NOS1AP: variants seen among roughly 807,000 people sequenced by gnomAD.
NOS1AP encodes carboxyl-terminal PDZ ligand of neuronal nitric oxide synthase protein.
A neutral mutation model predicts 56.2 loss-of-function variants in NOS1AP; 21 were observed. The observed-to-expected ratio is 0.37, with a 90% CI of 0.26 to 0.54. The LOEUF is 0.54. Among genes scored for constraint, NOS1AP ranks in the 20% least tolerant of loss-of-function variants. The pLI is 0.84. For missense variants in NOS1AP, 522 were observed against 657.8 expected, an observed-to-expected ratio of 0.79 and a Z score of 2.26; for synonymous variants, 270 against 274.6, an observed-to-expected ratio of 0.98 and a Z score of 0.17.
At chr1:162,167,348 C>T (rs970417563) in intron 2 of NOS1AP, among the ~76,000 whole-genome samples, 6 of 152,218 alleles carry the variant, frequency 3.9e-5, no homozygotes, top group Non-Finnish European at 7.3e-5. Flanking sequence ...GTACATCTAG[C>T]CTTTCTCCTA....
chr1:162,139,622 G>T (rs1649147895), intron 1 of NOS1AP, among the ~76,000 whole-genome samples: 2 of 152,154 alleles, frequency 1.3e-5, no homozygotes, highest in South Asian at 2.1e-4. Context: ...GGAAGAACAG[G>T]GATTTCTGTC....
intron 1 of NOS1AP, among the ~76,000 whole-genome samples, chr1:162,085,370 A>G (rs80164887): frequency 1.5e-3 from 224 of 152,268 alleles, no homozygotes; most frequent in Non-Finnish European, 2.6e-3. Context: ...GAGCCTCCCC[A>G]GATAATTCTA....
chr1:162,134,513 C>T (rs4620512), intron 1 of NOS1AP, among the ~76,000 whole-genome samples: 34,287 of 145,400 alleles, frequency 0.24, 7,515 homozygotes, highest in African/African-American at 0.59. Flanking sequence ...AAAGTAAAAC[C>T]GTAGTGCTGT....
intron 2 of NOS1AP, among the ~76,000 whole-genome samples, chr1:162,202,041 C>A (rs963707408): frequency 6.6e-6 from 1 of 152,002 alleles, no homozygotes; most frequent in Non-Finnish European, 1.5e-5. Context: ...CTGGAGAGGG[C>A]AAAACTCAGG....
intron 2 of NOS1AP, among the ~76,000 whole-genome samples, chr1:162,283,494 C>G (rs937175679): frequency 6.6e-6 from 1 of 152,082 alleles, no homozygotes; most frequent in Non-Finnish European, 1.5e-5. Flanking sequence ...ACTGGGGTGT[C>G]AGGAGATGAT....
chr1:162,210,274 C>T (rs1451789655), intron 2 of NOS1AP, among the ~76,000 whole-genome samples: 2 of 152,046 alleles, frequency 1.3e-5, no homozygotes, highest in African/African-American at 4.8e-5. Context: ...TGCTGTGGGG[C>T]CCAGCTCGAC....
intron 1 of NOS1AP, among the ~76,000 whole-genome samples, chr1:162,117,222 C>G (rs1004524234): frequency 6.6e-6 from 1 of 152,166 alleles, no homozygotes; most frequent in African/African-American, 2.4e-5. Flanking sequence ...TAGGCTGTCT[C>G]TCCAGATATT....
intron 3 of NOS1AP, among the ~76,000 whole-genome samples, chr1:162,291,503 G>A (rs1045620151): frequency 1.3e-4 from 20 of 151,234 alleles, no homozygotes; most frequent in African/African-American, 4.8e-4. Context: ...AAAAAAAAAA[G>A]GATGAGATCC....
At chr1:162,291,975 A>T (rs1369725318) in intron 3 of NOS1AP, among the ~76,000 whole-genome samples, 2 of 152,262 alleles carry the variant, frequency 1.3e-5, no homozygotes, top group Admixed American at 6.5e-5. Flanking sequence ...CATCCAAGGG[A>T]TTTTTCTAAT....
intron 1 of NOS1AP, among the ~76,000 whole-genome samples, chr1:162,088,695 G>A (rs1003960476): frequency 3.9e-5 from 6 of 152,212 alleles, no homozygotes; most frequent in African/African-American, 1.2e-4. Flanking sequence ...AGGCCAAGAC[G>A]GTTTGAGGTG....
rs190323830 is a variant in NOS1AP, at chr1:162,227,046, A to T, written c.178-60298A>T. ...CTTTGAGTTGTGAGTTTTAAGAAAG[A>T]AAAGGATCCTGGATAATGATTAATA... On this transcript the variant is annotated intron_variant, in intron 2 of 9. Coordinates refer to ENST00000361897, the MANE Select transcript of NOS1AP (RefSeq NM_014697.3). Among the ~76,000 whole-genome samples, 489 of 152,326 alleles carry T rather than the reference A, an allele frequency of 3.2e-3. 2 individuals carry two copies. Among genetic ancestry groups the T allele is most frequent in the African/African-American group, 0.011 (469 of 41,570 alleles).
intron 6 of NOS1AP, among the ~76,000 whole-genome samples, chr1:162,353,417 C>T (rs1023209030): frequency 6.6e-6 from 1 of 152,114 alleles, no homozygotes; most frequent in Admixed American, 6.5e-5. Flanking sequence ...GGGCTTCTGG[C>T]GAGGCCCTGT....
At chr1:162,129,399 A>C (rs189849118) in intron 1 of NOS1AP, among the ~76,000 whole-genome samples, 234 of 152,204 alleles carry the variant, frequency 1.5e-3, no homozygotes, top group African/African-American at 5.4e-3. Flanking sequence ...TCTACTCCCT[A>C]TTCTGCTCAG....
At chr1:162,264,451 T>TCTCCTCTCCTCTCCTCTCCTCTCCTCTCC (rs1411025665) in intron 2 of NOS1AP, among the ~76,000 whole-genome samples, 18 of 18,222 alleles carry the variant, frequency 9.9e-4, no homozygotes, top group African/African-American at 3.0e-3. Context: ...TTCTCTTCTC[T>TCTCCTCTCCTCTCCTCTCCTCTCCTCTCC]TCTCTTCTCT....
chr1:162,285,263 G>T (rs936942221), intron 2 of NOS1AP, among the ~76,000 whole-genome samples: 2 of 152,182 alleles, frequency 1.3e-5, no homozygotes, highest in African/African-American at 4.8e-5. Flanking sequence ...CAGAAGGGAG[G>T]TGCAGCTGGA....
chr1:162,114,172 T>C (rs10082205), intron 1 of NOS1AP, among the ~76,000 whole-genome samples: 5,249 of 152,272 alleles, frequency 0.034, 161 homozygotes, highest in East Asian at 0.18. Context: ...AAAGAGGCCA[T>C]ATTATTTTCC....
intron 2 of NOS1AP, among the ~76,000 whole-genome samples, chr1:162,225,515 G>A (rs116464691): frequency 1.3e-5 from 2 of 152,334 alleles, no homozygotes; most frequent in African/African-American, 4.8e-5. Context: ...ACGATAAAGT[G>A]AGTGTTTGTG....
chr1:162,304,580 T>TC (rs398103295), intron 4 of NOS1AP, among the ~76,000 whole-genome samples: 12 of 152,022 alleles, frequency 7.9e-5, no homozygotes, highest in African/African-American at 2.7e-4. Context: ...AATGAATTTT[T>TC]CTTTGGCCTC....
At chr1:162,350,033 C>G (rs1404930716) in intron 6 of NOS1AP, among the ~76,000 whole-genome samples, 1 of 152,206 alleles carries the variant, frequency 6.6e-6, no homozygotes, top group Non-Finnish European at 1.5e-5. Context: ...AAATGCTTCT[C>G]CCAGAGCATT....
Sources: allele counts gnomAD v4.1 joint callset (sites outside exome capture counted in the v4.1 genomes callset), GRCh38; gene constraint gnomAD v4.1.1; transcripts MANE v1.5; gene names NCBI Gene and HGNC (gene_info 2026-07-23, HGNC 2026-07-21).